KCNJ6: variants seen among roughly 807,000 people sequenced by gnomAD.
The protein encoded by KCNJ6 is potassium inwardly rectifying channel subfamily J member 6, also known as G protein-activated inward rectifier potassium channel 2.
A neutral mutation model predicts 34.2 loss-of-function variants in KCNJ6; 9 were observed. The observed-to-expected ratio is 0.26, with a 90% CI of 0.16 to 0.46. The LOEUF (loss-of-function observed/expected upper bound fraction) is 0.46, where lower values mean the gene tolerates loss of function less well. Among genes scored for constraint, KCNJ6 ranks in the 20% least tolerant of loss-of-function variants. KCNJ6 has a pLI of 1.00. For missense variants in KCNJ6, 236 were observed against 531.3 expected (o/e 0.44, Z 5.46); for synonymous variants, 196 against 207.1 (o/e 0.95, Z 0.46).
chr21:37,878,220 G>C (rs2055688757), intron 1 of KCNJ6, among the ~76,000 whole-genome samples: 1 of 151,882 alleles, frequency 6.6e-6, no homozygotes, highest in South Asian at 2.1e-4. Flanking sequence ...TGAGCATGGA[G>C]TTGTAATGTC....
chr21:37,688,874 T>A (rs144955987), intron 3 of KCNJ6, among the ~76,000 whole-genome samples: 25 of 152,288 alleles, frequency 1.6e-4, no homozygotes, highest in African/African-American at 4.8e-4. Flanking sequence ...GGCTGAAGTA[T>A]CACATCCAAA....
chr21:37,637,816 C>T (rs1245160728), intron 3 of KCNJ6, among the ~76,000 whole-genome samples: 1 of 152,204 alleles, frequency 6.6e-6, no homozygotes, highest in African/African-American at 2.4e-5. Flanking sequence ...CATGTGTACG[C>T]TCTTTCTACA....
intron 2 of KCNJ6, among the ~76,000 whole-genome samples, chr21:37,809,111 G>T (rs889400424): frequency 6.6e-6 from 1 of 152,064 alleles, no homozygotes. Flanking sequence ...AATAGCAAAG[G>T]CTTGGAACCA....
chr21:37,748,452 A>AAG (rs1442590846), intron 2 of KCNJ6, among the ~76,000 whole-genome samples: 2 of 152,094 alleles, frequency 1.3e-5, no homozygotes, highest in African/African-American at 4.8e-5. Context: ...GGGAGGAGAG[A>AAG]AGAGTTCAGA....
chr21:37,782,608 G>T (rs1462298692), intron 2 of KCNJ6, among the ~76,000 whole-genome samples: 1 of 152,134 alleles, frequency 6.6e-6, no homozygotes, highest in African/African-American at 2.4e-5. Context: ...TGGTTCTCCA[G>T]CCACCCTATT....
At chr21:37,895,919 A>G (rs2055785190) in intron 1 of KCNJ6, among the ~76,000 whole-genome samples, 1 of 152,222 alleles carries the variant, frequency 6.6e-6, no homozygotes, top group African/African-American at 2.4e-5. Context: ...AAATGCCTGC[A>G]GGCTCATTGT....
rs913092825 is a variant in KCNJ6, at chr21:37,714,009, G to T, written c.946+202C>A. Among the ~76,000 whole-genome samples, 2 of 151,812 alleles carry T rather than the reference G, an allele frequency of 1.3e-5. No homozygotes were observed. Among genetic ancestry groups the T allele is most frequent in the African/African-American group, 4.8e-5 (2 of 41,296 alleles). ...TTGTTCATTAATTTATTTTCCAAAG[G>T]GCTTTAAAAAACTAAATGGTTAGGC... On this transcript the variant is annotated intron_variant, in intron 3 of 3. Coordinates refer to ENST00000609713, the MANE Select transcript of KCNJ6 (RefSeq NM_002240.5). The surrounding 1 kb of genome is among the most constrained non-coding windows in gnomAD (Gnocchi z 5.9).
chr21:37,731,100 AGTGTGTGTGT>A (rs113587330), intron 2 of KCNJ6, among the ~76,000 whole-genome samples: 128 of 134,782 alleles, frequency 9.5e-4, no homozygotes, highest in Middle Eastern at 3.8e-3. Flanking sequence ...AGATGAGAGA[AGTGTGTGTGT>A]GTGTGTGTGT....
At chr21:37,685,776 T>C (rs1038092125) in intron 3 of KCNJ6, among the ~76,000 whole-genome samples, 1 of 149,522 alleles carries the variant, frequency 6.7e-6, no homozygotes, top group Non-Finnish European at 1.5e-5. Context: ...AAGCTGTCTA[T>C]AATATTCTCT....
chr21:37,725,353 A>G (rs2054848919), intron 2 of KCNJ6, among the ~76,000 whole-genome samples: 1 of 152,216 alleles, frequency 6.6e-6, no homozygotes, highest in South Asian at 2.1e-4. Flanking sequence ...AGATCACGCC[A>G]CTGAACTCCA....
intron 3 of KCNJ6, among the ~76,000 whole-genome samples, chr21:37,707,733 G>GTGTGTGTGTGTGTGTGTATATGTGTGCA (rs1237113944): frequency 6.7e-6 from 1 of 149,898 alleles, no homozygotes; most frequent in African/African-American, 2.5e-5. Context: ...ATGTGTGTGT[G>GTGTGTGTGTGTGTGTGTATATGTGTGCA]TGAATAATTT....
chr21:37,692,839 C>A (rs1208760434), intron 3 of KCNJ6, among the ~76,000 whole-genome samples: 1 of 152,200 alleles, frequency 6.6e-6, no homozygotes, highest in Non-Finnish European at 1.5e-5. Flanking sequence ...ACTCCCCTCA[C>A]CTAAATGGTT....
At chr21:37,660,933 A>G (rs2054485366) in intron 3 of KCNJ6, among the ~76,000 whole-genome samples, 1 of 152,360 alleles carries the variant, frequency 6.6e-6, no homozygotes, top group Middle Eastern at 3.4e-3. Flanking sequence ...TTGATGGAAC[A>G]TCTCTGACAG....
chr21:37,801,543 C>T (rs2835968), intron 2 of KCNJ6, among the ~76,000 whole-genome samples: 67,913 of 152,074 alleles, frequency 0.45, 16,517 homozygotes, highest in Middle Eastern at 0.53. Flanking sequence ...TCACCACCCT[C>T]CTTGGGTCTC....
At chr21:37,684,388 G>C (rs888220558) in intron 3 of KCNJ6, among the ~76,000 whole-genome samples, 31 of 151,506 alleles carry the variant, frequency 2.0e-4, no homozygotes, top group Admixed American at 2.0e-3. Flanking sequence ...ATCGGACTAT[G>C]GTCTGCTCTT....
rs2054242349 is a variant in KCNJ6 at position 37,611,447 on chromosome 21, C to G, written c.*13712G>C. On this transcript the variant is annotated 3_prime_UTR_variant, in exon 4 of 4. Coordinates refer to ENST00000609713, the MANE Select transcript of KCNJ6 (RefSeq NM_002240.5). The stretch of plus-strand genomic sequence containing the variant: ...AGAAATGATACTGATTATCTACAAT[C>G]TCTTTCAAAAGCTAGAAGCAGAGAG... 6.6e-6 allele frequency: 1 copy of G among 152,190 alleles called. No individual in the cohort carries two copies. Among genetic ancestry groups the G allele is most frequent in the Non-Finnish European group, 1.5e-5 (1 of 68,030 alleles). 9.4% of individuals were successfully genotyped at this position (152,190 alleles called of 1,614,324 possible). A position where few individuals can be genotyped will look rare whatever the true frequency, so the allele number is the denominator to read the frequency against.
chr21:37,767,126 G>A (rs765713829), intron 2 of KCNJ6, among the ~76,000 whole-genome samples: 215 of 152,080 alleles, frequency 1.4e-3, no homozygotes, highest in African/African-American at 2.8e-3. Context: ...TCAACACACC[G>A]CATTAGTGTT....
At chr21:37,828,631 G>A (rs771027729) in intron 2 of KCNJ6, among the ~76,000 whole-genome samples, 6 of 152,242 alleles carry the variant, frequency 3.9e-5, no homozygotes, top group Admixed American at 2.0e-4. Context: ...GTCCCGGTCC[G>A]GGAGAGGCCC....
chr21:37,738,382 G>A (rs757369738), intron 2 of KCNJ6, among the ~76,000 whole-genome samples: 8 of 152,194 alleles, frequency 5.3e-5, no homozygotes, highest in Non-Finnish European at 1.0e-4. Flanking sequence ...GTGCTTTGCT[G>A]TGCCTCCCCT....
Sources: gnomAD v4.1 joint callset for allele counts (sites outside exome capture counted in the v4.1 genomes callset) on GRCh38, gnomAD v4.1.1 for gene constraint, Gnocchi (gnomAD v3.1) non-coding constraint, MANE v1.5 for transcripts, NCBI Gene and HGNC (gene_info 2026-07-23, HGNC 2026-07-21) for gene names.